The following PALLD variants were observed in gnomAD, a reference collection of about 807,000 sequenced individuals.
The protein encoded by PALLD is palladin.
In PALLD, 61 loss-of-function variants were observed where a neutral mutation model predicts 123.5. That is an observed-to-expected ratio of 0.49 (90% CI 0.40 to 0.61). The LOEUF is 0.61. PALLD is among the 20% of genes least tolerant of loss of function. The pLI is 0.00. For synonymous variants in PALLD, 465 were observed against 496.4 expected (o/e 0.94, Z 0.84); for missense variants, 1,273 against 1,377.0 (o/e 0.92, Z 1.20).
chr4:168,566,587 C>T (rs1318850892), intron 2 of PALLD, among the ~76,000 whole-genome samples: 10 of 152,260 alleles, frequency 6.6e-5, no homozygotes, highest in African/African-American at 1.9e-4. Flanking sequence ...GATAAGCCAC[C>T]ATGCTCAGCT....
chr4:168,847,557 C>T (rs1413696117), intron 10 of PALLD, among the ~76,000 whole-genome samples: 1 of 152,100 alleles, frequency 6.6e-6, no homozygotes, highest in African/African-American at 2.4e-5. Flanking sequence ...AAGATAGCAC[C>T]AAGATTTTAT....
At chr4:168,817,428 C>G (rs1305209980) in intron 10 of PALLD, among the ~76,000 whole-genome samples, 1 of 152,160 alleles carries the variant, frequency 6.6e-6, no homozygotes, top group Non-Finnish European at 1.5e-5. Context: ...AAAATCTTAC[C>G]TCTTAACAAG....
intron 10 of PALLD, among the ~76,000 whole-genome samples, chr4:168,840,509 C>T (rs772169356): frequency 5.9e-5 from 9 of 152,130 alleles, no homozygotes; most frequent in South Asian, 4.2e-4. Context: ...GTTCATCTCC[C>T]GCTTTTCCAG....
At chr4:168,590,792 C>G (rs1242456581) in intron 2 of PALLD, among the ~76,000 whole-genome samples, 1 of 150,136 alleles carries the variant, frequency 6.7e-6, no homozygotes, top group African/African-American at 2.5e-5. Flanking sequence ...GGGTAGAACA[C>G]CATGGAGTGA....
chr4:168,524,164 T>A (rs191264022), intron 2 of PALLD, among the ~76,000 whole-genome samples: 31 of 152,344 alleles, frequency 2.0e-4, no homozygotes, highest in Non-Finnish European at 3.4e-4. Flanking sequence ...AGCTGTCAGA[T>A]GACTCATTTT....
At chr4:168,882,906 A>G (rs1484096118) in intron 10 of PALLD, among the ~76,000 whole-genome samples, 2 of 152,148 alleles carry the variant, frequency 1.3e-5, no homozygotes, top group Non-Finnish European at 2.9e-5. Flanking sequence ...CCTGGCCAAC[A>G]TGGTGAAACA....
At chr4:168,904,557 A>G (rs747636262) in intron 15 of PALLD, among the ~76,000 whole-genome samples, 6 of 152,158 alleles carry the variant, frequency 3.9e-5, no homozygotes, top group Non-Finnish European at 8.8e-5. Context: ...TTTAGTCACT[A>G]TGCTGGATAT....
chr4:168,691,328 G>C (rs757901113), intron 8 of PALLD, 36 bp downstream of exon 8: 22 of 1,555,732 alleles, frequency 1.4e-5, no homozygotes, highest in East Asian at 6.7e-5. Flanking sequence ...TTTTGGTGGT[G>C]GGGGAGCAGA....
chr4:168,849,852 A>C (rs911227551), intron 10 of PALLD, among the ~76,000 whole-genome samples: 6 of 152,034 alleles, frequency 3.9e-5, no homozygotes, highest in Admixed American at 2.0e-4. Context: ...TAAAGAATTC[A>C]GAGCTGGCCC....
intron 10 of PALLD, among the ~76,000 whole-genome samples, chr4:168,734,773 G>A (rs1156929019): frequency 1.3e-5 from 2 of 152,056 alleles, no homozygotes; most frequent in African/African-American, 4.8e-5. Flanking sequence ...GAAGGAGGAG[G>A]AGGAGCCAGG....
At chr4:168,870,880 G>A (rs1039253290) in intron 10 of PALLD, among the ~76,000 whole-genome samples, 4 of 152,124 alleles carry the variant, frequency 2.6e-5, no homozygotes, top group African/African-American at 9.7e-5. Context: ...TACTCTCTTA[G>A]GAAAATGCAA....
rs1485480817 is a variant in PALLD, at chr4:168,713,514, A to G, written c.1964+1591A>G. On this transcript the variant is annotated intron_variant, in intron 10 of 21. Coordinates refer to ENST00000505667, the MANE Select transcript of PALLD (RefSeq NM_001166108.2). ...GGGTATCATAAATTGGATGTAAATC[A>G]CAGGAGAGCAAATACGAGGAGCTGT... Among the ~76,000 whole-genome samples the G allele has an allele frequency of 2.6e-5, 4 of 152,226 alleles. No individual in the cohort carries two copies. The East Asian group carries it at 7.7e-4, about 29-fold the overall frequency.
intron 2 of PALLD, among the ~76,000 whole-genome samples, chr4:168,657,933 C>T (rs943702433): frequency 3.9e-5 from 6 of 152,182 alleles, no homozygotes; most frequent in Non-Finnish European, 7.3e-5. Context: ...AAATCCAGTG[C>T]ACTCCCATTC....
intron 1 of PALLD, among the ~76,000 whole-genome samples, chr4:168,509,659 T>C (rs1478099304): frequency 6.6e-6 from 1 of 152,170 alleles, no homozygotes. Flanking sequence ...AGGATTTACT[T>C]GAAGAAGAGT....
intron 2 of PALLD, among the ~76,000 whole-genome samples, chr4:168,582,758 A>G (rs1029281426): frequency 1.3e-5 from 2 of 152,202 alleles, no homozygotes; most frequent in Non-Finnish European, 2.9e-5. Flanking sequence ...TTATTCTTGC[A>G]TCACAGGGAG....
In PALLD at chr4:168,761,645, G is replaced by GTTTTTTT. The variant is rs70961555; in HGVS notation, c.1964+49747_1964+49753dup. Among the ~76,000 whole-genome samples, 315 of 87,342 alleles carry GTTTTTTT rather than the reference G, an allele frequency of 3.6e-3. 11 individuals carry two copies. The highest frequency in any genetic ancestry group is 6.1e-3 in the Middle Eastern group (1 of 164). 57.3% of individuals were successfully genotyped at this position (87,342 alleles called of 152,430 possible). A position where few individuals can be genotyped will look rare whatever the true frequency, so the allele number is the denominator to read the frequency against. On this transcript the variant is annotated intron_variant, in intron 10 of 21. Coordinates refer to ENST00000505667, the MANE Select transcript of PALLD (RefSeq NM_001166108.2). The stretch of plus-strand genomic sequence containing the variant: ...CCAGCTATTTTTGTTGTTGTTGTTT[G>GTTTTTTT]TTTTTTTTTTTTTTTTTTTTTTTTT...
At chr4:168,782,830 G>A (rs1342482217) in intron 10 of PALLD, among the ~76,000 whole-genome samples, 4 of 151,958 alleles carry the variant, frequency 2.6e-5, no homozygotes, top group Non-Finnish European at 4.4e-5. Context: ...CATGAGAATC[G>A]CTTGAACCTG....
chr4:168,661,639 T>C (rs1779145392), intron 2 of PALLD, among the ~76,000 whole-genome samples: 1 of 152,252 alleles, frequency 6.6e-6, no homozygotes, highest in Non-Finnish European at 1.5e-5. Context: ...CCAGTTTCCC[T>C]CAGCTCCTTG....
At chr4:168,789,737 A>G (rs1727671557) in intron 10 of PALLD, among the ~76,000 whole-genome samples, 1 of 151,752 alleles carries the variant, frequency 6.6e-6, no homozygotes, top group African/African-American at 2.4e-5. Flanking sequence ...AGTAATGCTG[A>G]TAACTTGAAC....
Sources: allele counts gnomAD v4.1 joint callset (sites outside exome capture counted in the v4.1 genomes callset), GRCh38; gene constraint gnomAD v4.1.1; transcripts MANE v1.5; gene names NCBI Gene and HGNC (gene_info 2026-07-23, HGNC 2026-07-21).